CDC27: variants seen among roughly 807,000 people sequenced by gnomAD.
CDC27 encodes the protein cell division cycle protein 27 homolog.
CDC27 carries 27 observed loss-of-function variants against 109.7 expected under a neutral mutation model. The observed-to-expected ratio is 0.25, with a 90% CI of 0.18 to 0.34. CDC27 has a LOEUF of 0.34. Ranked by LOEUF, CDC27 falls within the 10% of genes least tolerant of loss-of-function variation. CDC27 has a pLI of 1.00. For synonymous variants in CDC27, 266 were observed against 333.9 expected (o/e 0.80, Z 2.22); for missense variants, 579 against 960.2 (o/e 0.60, Z 5.25).
intron 1 of CDC27, among the ~76,000 whole-genome samples, chr17:47,187,777 T>C (rs1191585851): frequency 6.6e-6 from 1 of 151,306 alleles, no homozygotes; most frequent in African/African-American, 2.4e-5. Flanking sequence ...ACTTGAGTAA[T>C]CTGCTTATCT....
intron 4 of CDC27, among the ~76,000 whole-genome samples, chr17:47,168,669 T>A (rs972612740): frequency 5.9e-5 from 9 of 152,132 alleles, no homozygotes; most frequent in African/African-American, 2.2e-4. Context: ...GTCCTTAAGG[T>A]AAATGAATAT....
chr17:47,186,066 T>G (rs1032997261), intron 1 of CDC27, among the ~76,000 whole-genome samples: 2 of 152,224 alleles, frequency 1.3e-5, no homozygotes, highest in African/African-American at 4.8e-5. Context: ...AGCCCTGGTC[T>G]ACATGATCAT....
In CDC27 at chr17:47,164,819, A is replaced by AAAC. The variant is rs552187448; in HGVS notation, c.377+5095_377+5097dup. Among the ~76,000 whole-genome samples, 30 of 152,216 alleles carry AAAC rather than the reference A, an allele frequency of 2.0e-4. 1 individual carries two copies. The South Asian group carries it at 2.3e-3, about 12-fold the overall frequency. The stretch of plus-strand genomic sequence containing the variant: ...GCGACAGAGCGCAAGATTCCATTTC[A>AAAC]AACAACAACAACAACAACAACTGTA... On this transcript the variant is annotated intron_variant, in intron 4 of 18. Transcript: ENST00000066544.
intron 4 of CDC27, among the ~76,000 whole-genome samples, chr17:47,167,367 T>A (rs921840896): frequency 6.6e-6 from 1 of 152,264 alleles, no homozygotes; most frequent in African/African-American, 2.4e-5. Context: ...ACTTCTTTCA[T>A]AAATTGTCTA....
intron 1 of CDC27, among the ~76,000 whole-genome samples, chr17:47,182,693 C>T (rs1183698800): frequency 6.6e-6 from 1 of 152,088 alleles, no homozygotes; most frequent in Non-Finnish European, 1.5e-5. Flanking sequence ...GTTTTCATTG[C>T]TGAATAAATA....
rs1488768309 is a variant in CDC27, at chr17:47,142,414, A to G, written c.1193T>C (p.Met398Thr). The G allele has an allele frequency of 1.4e-6, 2 of 1,468,192 alleles. No individual in the cohort carries two copies. Among genetic ancestry groups the G allele is most frequent in the South Asian group, 1.2e-5 (1 of 82,084 alleles). The allele number at this position is 1,468,192 out of a possible 1,614,324, so 90.9% of individuals were successfully genotyped here. A position where few individuals can be genotyped will look rare whatever the true frequency, so the allele number is the denominator to read the frequency against. The stretch of plus-strand genomic sequence containing the variant: ...GTTTGGGATTTTAGGTGGAAACTTC[A>G]TTTTTAATTTTTTGCTATTCTCCTG... ...TTKENSKKLKMKFPPKIPNRK... is the reference protein window; with the variant it reads ...TTKENSKKLKTKFPPKIPNRK... The change falls in exon 11 of 19, where the codon ATG (methionine) becomes ACG (threonine). Residue 398 changes from methionine (M) to threonine (T), a missense_variant. By Grantham distance (81) the Met-to-Thr change is moderately conservative (BLOSUM62 -1). This residue lies in a region of CDC27 where 58 missense variants were observed against 116.6 expected (regional missense o/e 0.50). Coordinates refer to ENST00000066544, the MANE Select transcript of CDC27 (RefSeq NM_001256.6).
chr17:47,127,014 G>A (rs1175666144), intron 16 of CDC27, among the ~76,000 whole-genome samples: 2 of 152,054 alleles, frequency 1.3e-5, no homozygotes, highest in Admixed American at 6.6e-5. Flanking sequence ...GGCTGGTCTT[G>A]AACTCCTGGC....
intron 1 of CDC27, among the ~76,000 whole-genome samples, chr17:47,184,482 A>C (rs1247196830): frequency 6.6e-6 from 1 of 152,208 alleles, no homozygotes; most frequent in Non-Finnish European, 1.5e-5. Flanking sequence ...ACATATACTA[A>C]AGTCAAAAAG....
rs138510120 is a variant in CDC27, at chr17:47,167,198, T to C, written c.377+2719A>G. On this transcript the variant is annotated intron_variant, in intron 4 of 18. Coordinates refer to ENST00000066544, the MANE Select transcript of CDC27 (RefSeq NM_001256.6). Reference sequence around the variant, plus strand: ...TATGTGGTTTCATTTCCAAATGTTTTGAGATTTTCTTATCCATGTGTGACT... The same window carrying C: ...TATGTGGTTTCATTTCCAAATGTTTCGAGATTTTCTTATCCATGTGTGACT... Among the ~76,000 whole-genome samples, 393 of 152,358 alleles carry C rather than the reference T, an allele frequency of 2.6e-3. 1 individual carries two copies. Among genetic ancestry groups the C allele is most frequent in the African/African-American group, 8.8e-3 (367 of 41,584 alleles).
chr17:47,163,601 C>T (rs2063558582), intron 4 of CDC27, among the ~76,000 whole-genome samples: 1 of 152,108 alleles, frequency 6.6e-6, no homozygotes, highest in Admixed American at 6.6e-5. Context: ...AAAAGAACTT[C>T]CTTGTTTACA....
At chr17:47,174,618 T>C (rs1029289710) in intron 2 of CDC27, among the ~76,000 whole-genome samples, 1 of 152,226 alleles carries the variant, frequency 6.6e-6, no homozygotes, top group African/African-American at 2.4e-5. Context: ...AATTATGCTA[T>C]GTCCATGTGA....
intron 4 of CDC27, among the ~76,000 whole-genome samples, chr17:47,165,218 C>A (rs954322274): frequency 6.6e-6 from 1 of 152,094 alleles, no homozygotes; most frequent in Non-Finnish European, 1.5e-5. Flanking sequence ...TATTTACTTA[C>A]TGAATTTTGG....
At position 47,120,209 on chromosome 17, in the gene CDC27, G is replaced by C. The variant is rs1340555576; in HGVS notation, c.*726C>G. 1.3e-5 allele frequency: 2 copies of C among 152,352 alleles called. No individual in the cohort carries two copies. The highest frequency in any genetic ancestry group is 2.9e-5 in the Non-Finnish European group (2 of 68,008). The allele number at this position is 152,352 out of a possible 1,614,324, so 9.4% of individuals were successfully genotyped here. A position where few individuals can be genotyped will look rare whatever the true frequency, so the allele number is the denominator to read the frequency against. On this transcript the variant is annotated 3_prime_UTR_variant, in exon 19 of 19. Transcript: ENST00000066544. ...TCAAAGAGAAGAGGCAATATGGTAA[G>C]AAACAATTTTAAAGTTTGCAATACC...
chr17:47,169,877 T>C (rs1302419476), intron 4 of CDC27, 40 bp downstream of exon 4: 1 of 1,523,840 alleles, frequency 6.6e-7, no homozygotes, highest in Non-Finnish European at 8.8e-7. Flanking sequence ...CATACTTGTA[T>C]GGAAATGCTT....
chr17:47,187,522 G>C lies in CDC27; in HGVS notation c.27+1624C>G, dbSNP rs550924144. Among the ~76,000 whole-genome samples the C allele has an allele frequency of 2.1e-3, 325 of 151,614 alleles. 4 individuals carry two copies. The highest frequency in any genetic ancestry group is 7.4e-3 in the African/African-American group (304 of 41,292). On this transcript the variant is annotated intron_variant, in intron 1 of 18. Coordinates refer to ENST00000066544, the MANE Select transcript of CDC27 (RefSeq NM_001256.6). ...TCACTGTGTTGGCCAGGCAGGTCTC[G>C]AACTCCTGACCTCAGGTGATCCACC...
chr17:47,142,867 G>GGGT (rs2062839442), intron 10 of CDC27, among the ~76,000 whole-genome samples: 1 of 151,982 alleles, frequency 6.6e-6, no homozygotes, highest in African/African-American at 2.4e-5. Context: ...GAAGAGACTG[G>GGGT]ATTTCTCCAC....
chr17:47,117,729 A>G lies in CDC27; in HGVS notation c.*3206T>C, dbSNP rs1451527059. 6.6e-6 allele frequency: 1 copy of G among 152,172 alleles called. No homozygotes were observed. Among genetic ancestry groups the G allele is most frequent in the Non-Finnish European group, 1.5e-5 (1 of 68,024 alleles). 9.4% of individuals were successfully genotyped at this position (152,172 alleles called of 1,614,324 possible). A position where few individuals can be genotyped will look rare whatever the true frequency, so the allele number is the denominator to read the frequency against. On this transcript the variant is annotated 3_prime_UTR_variant, in exon 19 of 19. Coordinates refer to ENST00000066544, the MANE Select transcript of CDC27 (RefSeq NM_001256.6). The stretch of plus-strand genomic sequence containing the variant: ...TGTTTTTGTCATAGTATTTATTTTG[A>G]TATTCCAAATAATACTAAAAAAGAG...
intron 4 of CDC27, chr17:47,162,203 A>ACGAAGC (rs1263311662): frequency 6.6e-6 from 1 of 152,216 alleles, no homozygotes; most frequent in Middle Eastern, 3.2e-3. Context: ...CCAATCAGCA[A>ACGAAGC]CGAAGCCATA....
intron 4 of CDC27, among the ~76,000 whole-genome samples, chr17:47,163,323 A>G (rs1235926691): frequency 6.6e-6 from 1 of 152,238 alleles, no homozygotes; most frequent in East Asian, 1.9e-4. Flanking sequence ...CAATTCTGGT[A>G]TATAATGGCT....
Sources: gnomAD v4.1 joint callset for allele counts (sites outside exome capture counted in the v4.1 genomes callset) on GRCh38, gnomAD v4.1.1 for gene constraint, gnomAD v4.1.1 regional missense constraint, MANE v1.5 for transcripts, NCBI Gene and HGNC (gene_info 2026-07-23, HGNC 2026-07-21) for gene names.